ASXL2: variants seen among roughly 807,000 people sequenced by gnomAD.
ASXL2 encodes the protein putative Polycomb group protein ASXL2.
A neutral mutation model predicts 122.0 loss-of-function variants in ASXL2; 23 were observed. The ratio of observed to expected loss-of-function variants is 0.19; its 90% CI spans 0.14 to 0.27. The LOEUF (loss-of-function observed/expected upper bound fraction) is 0.27. Ranked by LOEUF, ASXL2 falls within the 10% of genes least tolerant of loss-of-function variation. The pLI is 1.00. For synonymous variants in ASXL2, 650 were observed against 637.0 expected, an observed-to-expected ratio of 1.02 and a Z score of -0.31; for missense variants, 1,518 against 1,713.8, an observed-to-expected ratio of 0.89 and a Z score of 2.02.
intron 5 of ASXL2, among the ~76,000 whole-genome samples, chr2:25,786,297 G>A (rs555424952): frequency 5.3e-4 from 70 of 132,838 alleles, no homozygotes; most frequent in South Asian, 1.2e-3. Context: ...CTGGAGTGCA[G>A]TAGTGCAATT....
At chr2:25,748,850 A>C (rs996795463) in intron 12 of ASXL2, among the ~76,000 whole-genome samples, 1 of 152,274 alleles carries the variant, frequency 6.6e-6, no homozygotes, top group Non-Finnish European at 1.5e-5. Flanking sequence ...ACTACCTAGA[A>C]GAATTTGAAA....
intron 3 of ASXL2, among the ~76,000 whole-genome samples, chr2:25,807,986 T>TACACACACACACACACAC (rs147273836): frequency 0.015 from 1,937 of 131,652 alleles, 26 homozygotes; most frequent in African/African-American, 0.024. Context: ...AATCAGCTTT[T>TACACACACACACACACAC]ACACACACAC....
intron 1 of ASXL2, among the ~76,000 whole-genome samples, chr2:25,845,980 C>T (rs939263131): frequency 6.6e-6 from 1 of 152,098 alleles, no homozygotes; most frequent in Non-Finnish European, 1.5e-5. Flanking sequence ...TTGAGGACTC[C>T]GAAAATGGTA....
intron 11 of ASXL2, among the ~76,000 whole-genome samples, chr2:25,750,961 A>G (rs559652673): frequency 1.3e-5 from 2 of 152,328 alleles, no homozygotes; most frequent in South Asian, 4.1e-4. Flanking sequence ...TCAATGTTCT[A>G]TAGAGGCTGA....
chr2:25,783,439 T>C (rs1313666135), intron 5 of ASXL2, among the ~76,000 whole-genome samples: 1 of 152,078 alleles, frequency 6.6e-6, no homozygotes, highest in African/African-American at 2.4e-5. Context: ...AGTTTGTCTA[T>C]TATATTGATT....
intron 1 of ASXL2, among the ~76,000 whole-genome samples, chr2:25,855,785 G>C (rs1417736744): frequency 1.3e-5 from 2 of 150,114 alleles, no homozygotes; most frequent in Non-Finnish European, 3.0e-5. Context: ...GCAGTGAGCC[G>C]AGATCGTGCC....
At chr2:25,856,640 A>G (rs2149198213) in intron 1 of ASXL2, 6 of 1,251,234 alleles carry the variant, frequency 4.8e-6, no homozygotes, top group Non-Finnish European at 7.0e-6. Context: ...AAATGTCCTC[A>G]GTCTCCCCAG....
chr2:25,835,891 A>G (rs1273840135), intron 2 of ASXL2, among the ~76,000 whole-genome samples: 4 of 152,222 alleles, frequency 2.6e-5, no homozygotes, highest in African/African-American at 9.6e-5. Flanking sequence ...ATGCATTTCA[A>G]TTTCAAGGAG....
At chr2:25,803,561 C>T (rs1423249284) in intron 4 of ASXL2, among the ~76,000 whole-genome samples, 1 of 152,156 alleles carries the variant, frequency 6.6e-6, no homozygotes, top group Non-Finnish European at 1.5e-5. Context: ...TGGTCCCCAA[C>T]CTTTCTGCAT....
chr2:25,866,898 A>G (rs111406467), intron 1 of ASXL2, among the ~76,000 whole-genome samples: 6,433 of 149,886 alleles, frequency 0.043, 209 homozygotes, highest in African/African-American at 0.082. Flanking sequence ...ACGTCCAGCT[A>G]ATTTTTTTTT....
rs2088020360 is a variant in ASXL2, at chr2:25,750,181, T to G, written c.1375A>C (p.Thr459Pro). ...SQGEVQPNFS[T>P]SSEPLLSSAL... ...GAGGAAAGCAGGGGCTCTGAAGATG[T>G]GGAGAAGTTCGGCTGCACTTCACCT... Residue 459 changes from threonine (T) to proline (P), a missense_variant, in exon 12 of 13, where the codon ACA becomes CCA. By Grantham distance (38) the Thr-to-Pro change is conservative (BLOSUM62 -1). This residue lies in a region of ASXL2 where 292 missense variants were observed against 293.5 expected (regional missense o/e 1.00). Coordinates refer to ENST00000435504, the MANE Select transcript of ASXL2 (RefSeq NM_018263.6). The G allele has an allele frequency of 1.2e-6, 2 of 1,613,906 alleles. No individual in the cohort carries two copies. The highest frequency in any genetic ancestry group is 4.5e-5 in the East Asian group (2 of 44,896).
intron 3 of ASXL2, among the ~76,000 whole-genome samples, chr2:25,814,925 T>A (rs781199931): frequency 6.6e-6 from 1 of 152,318 alleles, no homozygotes. Flanking sequence ...AATTTACTCA[T>A]CTGCAAAATA....
At chr2:25,821,273 C>T (rs944197166) in intron 3 of ASXL2, among the ~76,000 whole-genome samples, 28 of 152,146 alleles carry the variant, frequency 1.8e-4, no homozygotes, top group Middle Eastern at 3.4e-3. Flanking sequence ...GAGAGGATCC[C>T]TTGTGCCCAG....
At chr2:25,853,524 T>G (rs1192690696) in intron 1 of ASXL2, among the ~76,000 whole-genome samples, 1 of 152,144 alleles carries the variant, frequency 6.6e-6, no homozygotes, top group Non-Finnish European at 1.5e-5. Flanking sequence ...GGTTCTTTTC[T>G]CCTCAGTGTC....
rs938272135 is a variant in ASXL2 at position 25,744,759 on chromosome 2, T to C, written c.1861-283A>G. Among the ~76,000 whole-genome samples, 8 of 152,164 alleles carry C rather than the reference T, an allele frequency of 5.3e-5. No individual in the cohort carries two copies. The highest frequency in any genetic ancestry group is 1.9e-4 in the African/African-American group (8 of 41,436). On this transcript the variant is annotated intron_variant, in intron 12 of 12. Coordinates refer to ENST00000435504, the MANE Select transcript of ASXL2 (RefSeq NM_018263.6). This position sits in a 1 kb window ranked among gnomAD's most constrained non-coding sequence, Gnocchi z 4.7. ...TATCTCAACTCCCTCCTAATGCCAC[T>C]ATTACAAGTGCTTATTATGATACAA...
At chr2:25,844,477 T>C (rs768784884) in intron 2 of ASXL2, among the ~76,000 whole-genome samples, 7 of 151,664 alleles carry the variant, frequency 4.6e-5, no homozygotes, top group Non-Finnish European at 1.0e-4. Context: ...CTCAGGAGGC[T>C]GAGGCAGGAG....
At chr2:25,840,106 A>AGG (rs1256276157) in intron 2 of ASXL2, among the ~76,000 whole-genome samples, 1 of 152,142 alleles carries the variant, frequency 6.6e-6, no homozygotes, top group African/African-American at 2.4e-5. Context: ...GATCCTCGTG[A>AGG]GGGGAAAAAT....
intron 4 of ASXL2, among the ~76,000 whole-genome samples, chr2:25,800,615 C>A (rs1179937650): frequency 6.6e-6 from 1 of 152,138 alleles, no homozygotes; most frequent in East Asian, 1.9e-4. Context: ...GTCAGCTTAG[C>A]ATGTGAGAGA....
intron 9 of ASXL2, among the ~76,000 whole-genome samples, chr2:25,758,691 T>C (rs190569645): frequency 2.0e-5 from 3 of 151,982 alleles, no homozygotes; most frequent in Admixed American, 6.5e-5. Flanking sequence ...TTTTTTTTTT[T>C]TTTTAAGTAT....
Sources: gnomAD v4.1 joint callset for allele counts (sites outside exome capture counted in the v4.1 genomes callset) on GRCh38, gnomAD v4.1.1 for gene constraint, gnomAD v4.1.1 regional missense constraint, Gnocchi (gnomAD v3.1) non-coding constraint, MANE v1.5 for transcripts, NCBI Gene and HGNC (gene_info 2026-07-23, HGNC 2026-07-21) for gene names.